LRTM1: variants seen among roughly 807,000 people sequenced by gnomAD.
LRTM1 encodes leucine-rich repeat and transmembrane domain-containing protein 1.
A neutral mutation model predicts 32.4 loss-of-function variants in LRTM1; 38 were observed. The observed-to-expected ratio is 1.17, with a 90% CI of 0.91 to 1.54. The LOEUF is 1.54. LRTM1 is among the 40% of genes most tolerant of loss of function. The pLI is 0.00. For missense variants in LRTM1, 466 were observed against 415.4 expected, an observed-to-expected ratio of 1.12 and a Z score of -1.06; for synonymous variants, 186 against 169.9, an observed-to-expected ratio of 1.09 and a Z score of -0.74.
chr3:54,933,760 CTTTT>C (rs34842038), intron 1 of LRTM1, among the ~76,000 whole-genome samples: 9 of 141,134 alleles, frequency 6.4e-5, no homozygotes, highest in Admixed American at 2.1e-4. Flanking sequence ...ATTACTATTA[CTTTT>C]TTTTTTTTTT....
At chr3:54,932,179 A>C (rs1035526608), upstream of LRTM1, among the ~76,000 whole-genome samples, 4 of 152,198 alleles carry the variant, frequency 2.6e-5, no homozygotes, top group Admixed American at 1.3e-4. Context: ...ACCCTGTCTC[A>C]AAAAATAATA....
At chr3:54,934,925 CAG>C (rs981287786) in intron 1 of LRTM1, among the ~76,000 whole-genome samples, 9 of 152,150 alleles carry the variant, frequency 5.9e-5, no homozygotes, top group African/African-American at 9.6e-5. Flanking sequence ...CTAGTAGAGA[CAG>C]GGGTTTCACA....
At position 54,924,854 on chromosome 3, in the gene LRTM1, C is replaced by G; in HGVS notation, c.369G>C (p.Gln123His). 2 of 1,613,860 alleles carry G rather than the reference C, an allele frequency of 1.2e-6. No homozygotes were observed. The highest frequency in any genetic ancestry group is 1.7e-6 in the Non-Finnish European group (2 of 1,179,886). Residue 123 changes from glutamine to histidine, a missense_variant, in exon 2 of 3, where the codon CAG (glutamine) becomes CAC (histidine). Transcript: ENST00000273286. ...TTGATGACAAATCAAGCTCCCTCAG[C>G]TGAGGGAGGGAATGGAAAAGTCTGC... The part of the protein sequence containing the change: ...LESRLFHSLP[Q>H]LRELDLSSNN...
At chr3:54,961,771 C>T (rs1321660524) in intron 1 of LRTM1, among the ~76,000 whole-genome samples, 1 of 152,144 alleles carries the variant, frequency 6.6e-6, no homozygotes, top group Non-Finnish European at 1.5e-5. Context: ...GATCACAATT[C>T]CAGAAGGGGT....
At chr3:54,942,545 A>G (rs1028020143) in intron 1 of LRTM1, among the ~76,000 whole-genome samples, 1 of 152,188 alleles carries the variant, frequency 6.6e-6, no homozygotes, top group Non-Finnish European at 1.5e-5. Flanking sequence ...AAAGTAATAT[A>G]TGAATGCAGT....
intron 1 of LRTM1, among the ~76,000 whole-genome samples, chr3:54,946,463 T>C (rs1409571400): frequency 1.3e-5 from 2 of 152,044 alleles, no homozygotes; most frequent in African/African-American, 2.4e-5. Context: ...GAAGAGAATA[T>C]AGAGAGGGGA....
At chr3:54,957,704 G>C in intron 1 of LRTM1, among the ~76,000 whole-genome samples, 1 of 52,310 alleles carries the variant, frequency 1.9e-5, no homozygotes, top group Admixed American at 3.2e-4. Context: ...CCAGTCAGGA[G>C]GGTTAGAAAC....
At chr3:54,925,385 G>C (rs1028285184) in intron 1 of LRTM1, among the ~76,000 whole-genome samples, 170 bp from the exon 2 acceptor site, 6 of 152,212 alleles carry the variant, frequency 3.9e-5, no homozygotes, top group African/African-American at 1.4e-4. Context: ...AGGCTGGTCA[G>C]AGTACATCCC....
chr3:54,941,825 G>T (rs1701474575), intron 1 of LRTM1, among the ~76,000 whole-genome samples: 1 of 152,134 alleles, frequency 6.6e-6, no homozygotes, highest in Non-Finnish European at 1.5e-5. Flanking sequence ...GAGGCTTCAG[G>T]GACATGCATT....
chr3:54,925,208 C>G lies in LRTM1; in HGVS notation c.15G>C (p.Leu5=). 3 of 1,610,604 alleles carry G rather than the reference C, an allele frequency of 1.9e-6. No individual in the cohort carries two copies. Among genetic ancestry groups the G allele is most frequent in the Non-Finnish European group, 2.5e-6 (3 of 1,177,324 alleles). MKGE[L]LLFSSVIVLL... ...GGACAATCACACTGGAAAACAGGAG[C>G]AGTTCACCTACAACAAACAGAAAGA... Residue 5 remains leucine (L), a synonymous_variant, in exon 2 of 3, where the codon CTG becomes CTC. Coordinates refer to ENST00000273286, the MANE Select transcript of LRTM1 (RefSeq NM_020678.4).
In LRTM1 at chr3:54,951,918, G is replaced by A. The variant is rs543680302; in HGVS notation, c.-222+15010C>T. On this transcript the variant is annotated intron_variant, in intron 1 of 2. Coordinates refer to the LRTM1 transcript ENST00000493075. ...GGCTGGAGTGCAGTGACGCGATCTC[G>A]GCTCACTGCAACCTCCCTACCCCAG... Among the ~76,000 whole-genome samples, 23 of 152,150 alleles carry A rather than the reference G, an allele frequency of 1.5e-4. No individual in the cohort carries two copies. In the East Asian group the frequency reaches 4.1e-3, roughly 27 times the overall value.
chr3:54,934,362 C>T (rs986874777), intron 1 of LRTM1, among the ~76,000 whole-genome samples: 2 of 151,996 alleles, frequency 1.3e-5, no homozygotes, highest in African/African-American at 2.4e-5. Context: ...GGCTGCCATA[C>T]GTTTTCTCTA....
rs534851310 is a variant in LRTM1, at chr3:54,964,178, C to T, written c.-222+2750G>A. Among the ~76,000 whole-genome samples, 5 of 152,168 alleles carry T rather than the reference C, an allele frequency of 3.3e-5. No individual in the cohort carries two copies. The East Asian group carries it at 7.7e-4, about 24-fold the overall frequency. On this transcript the variant is annotated intron_variant, in intron 1 of 2. Coordinates refer to the LRTM1 transcript ENST00000493075. ...CCATATTGGCACATGGGGAAGGATC[C>T]TATGGGATAATATTTTCTGGATCGG... is the stretch of plus-strand genomic sequence containing the variant.
intron 2 of LRTM1, among the ~76,000 whole-genome samples, chr3:54,921,264 CCTTG>C (rs1420173934): frequency 6.6e-6 from 1 of 152,124 alleles, no homozygotes; most frequent in Non-Finnish European, 1.5e-5. Context: ...TGAAAAACTC[CCTTG>C]ACCACGTTGT....
At chr3:54,923,376 C>T (rs1019812837) in intron 2 of LRTM1, among the ~76,000 whole-genome samples, 21 of 152,110 alleles carry the variant, frequency 1.4e-4, no homozygotes, top group Admixed American at 2.0e-4. Flanking sequence ...ACTATTCCTT[C>T]CCCCAGTTAT....
At chr3:54,950,388 C>G (rs1193250564) in intron 1 of LRTM1, among the ~76,000 whole-genome samples, 1 of 152,230 alleles carries the variant, frequency 6.6e-6, no homozygotes, top group Non-Finnish European at 1.5e-5. Flanking sequence ...CTCTTTTACT[C>G]TTTGCAACCC....
At chr3:54,954,669 G>A (rs1701837230) in intron 1 of LRTM1, among the ~76,000 whole-genome samples, 1 of 152,144 alleles carries the variant, frequency 6.6e-6, no homozygotes, top group African/African-American at 2.4e-5. Flanking sequence ...CAGTTCCCCT[G>A]TTTTTCTTCC....
chr3:54,959,705 T>G (rs1701985109), intron 1 of LRTM1, among the ~76,000 whole-genome samples: 1 of 152,230 alleles, frequency 6.6e-6, no homozygotes, highest in Non-Finnish European at 1.5e-5. Context: ...AGCCCGAGGC[T>G]TAAATGTTTT....
intron 1 of LRTM1, among the ~76,000 whole-genome samples, chr3:54,941,003 A>G (rs1701452384): frequency 6.6e-6 from 1 of 151,992 alleles, no homozygotes; most frequent in Admixed American, 6.5e-5. Flanking sequence ...CAGTTAACAC[A>G]TTTAAAACTT....
Sources: allele counts gnomAD v4.1 joint callset (sites outside exome capture counted in the v4.1 genomes callset), GRCh38; gene constraint gnomAD v4.1.1; transcripts MANE v1.5; gene names NCBI Gene and HGNC (gene_info 2026-07-23, HGNC 2026-07-21).